MYOF: variants seen among roughly 807,000 people sequenced by gnomAD.
MYOF encodes the protein fer-1-like 3, myoferlin.
MYOF carries 244 observed loss-of-function variants against 284.2 expected under a neutral mutation model. The ratio of observed to expected loss-of-function variants is 0.86; its 90% CI spans 0.77 to 0.95. The LOEUF (loss-of-function observed/expected upper bound fraction) is 0.95, where lower values mean the gene tolerates loss of function less well. Among genes scored for constraint, MYOF ranks in the 40% least tolerant of loss-of-function variants. MYOF has a pLI of 0.00. For missense variants in MYOF, 2,496 were observed against 2,560.6 expected, an observed-to-expected ratio of 0.97 and a Z score of 0.54; for synonymous variants, 904 against 919.7, an observed-to-expected ratio of 0.98 and a Z score of 0.31.
intron 40 of MYOF, among the ~76,000 whole-genome samples, chr10:93,336,609 G>A (rs1843616740): frequency 6.6e-6 from 1 of 152,202 alleles, no homozygotes; most frequent in African/African-American, 2.4e-5. Context: ...GGGACACGGG[G>A]AAGTTTTCTG....
intron 39 of MYOF, chr10:93,338,273 A>G: frequency 2.2e-6 from 1 of 455,518 alleles, no homozygotes; most frequent in South Asian, 1.6e-5. Context: ...AACCTCCAAT[A>G]TGTGTTTTCT....
At chr10:93,384,213 G>A (rs767897324) in intron 19 of MYOF, among the ~76,000 whole-genome samples, 4 of 152,182 alleles carry the variant, frequency 2.6e-5, no homozygotes, top group East Asian at 1.9e-4. Context: ...GAATTCTGCC[G>A]CTCCCTCAGA....
At chr10:93,382,684 A>G (rs1340172455) in intron 19 of MYOF, among the ~76,000 whole-genome samples, 2 of 152,108 alleles carry the variant, frequency 1.3e-5, no homozygotes, top group Non-Finnish European at 2.9e-5. Context: ...CTCAGCTGGC[A>G]TATCTCCTTC....
chr10:93,471,342 T>C (rs1232535229), intron 1 of MYOF, among the ~76,000 whole-genome samples: 1 of 151,954 alleles, frequency 6.6e-6, no homozygotes, highest in Non-Finnish European at 1.5e-5. Flanking sequence ...AGTTCTTTTG[T>C]TCTTGGTACA....
chr10:93,395,016 G>C (rs1027418299), intron 16 of MYOF, among the ~76,000 whole-genome samples: 13 of 151,772 alleles, frequency 8.6e-5, no homozygotes, highest in Admixed American at 4.6e-4. Context: ...CCTTAAACAA[G>C]ATAAGGATGA....
At chr10:93,454,943 C>T (rs2134318701) in intron 2 of MYOF, among the ~76,000 whole-genome samples, 1 of 141,408 alleles carries the variant, frequency 7.1e-6, no homozygotes, top group East Asian at 2.1e-4. Flanking sequence ...TACACCACTG[C>T]ATTCCAGCCT....
At chr10:93,334,801 G>A (rs1005499165) in intron 41 of MYOF, among the ~76,000 whole-genome samples, 5 of 152,098 alleles carry the variant, frequency 3.3e-5, no homozygotes, top group African/African-American at 1.2e-4. Context: ...AAAGACTCCC[G>A]TCTGGCACAG....
At chr10:93,392,516 G>A (rs957032339) in intron 17 of MYOF, among the ~76,000 whole-genome samples, 2 of 152,118 alleles carry the variant, frequency 1.3e-5, no homozygotes, top group Admixed American at 1.3e-4. Flanking sequence ...AGTAAAAAAC[G>A]TTCAGTATTT....
At chr10:93,443,249 T>C (rs1184026577) in intron 3 of MYOF, among the ~76,000 whole-genome samples, 1 of 152,196 alleles carries the variant, frequency 6.6e-6, no homozygotes, top group Non-Finnish European at 1.5e-5. Flanking sequence ...TTTCTATTGA[T>C]TGTTTTCTAC....
At chr10:93,385,281 G>A (rs2134016921) in intron 19 of MYOF, among the ~76,000 whole-genome samples, 1 of 152,310 alleles carries the variant, frequency 6.6e-6, no homozygotes, top group East Asian at 1.9e-4. Flanking sequence ...CTGTCTGCCT[G>A]ATTCTTACTG....
chr10:93,441,438 G>A (rs1036104752), intron 3 of MYOF, among the ~76,000 whole-genome samples: 1 of 151,766 alleles, frequency 6.6e-6, no homozygotes, highest in African/African-American at 2.4e-5. Flanking sequence ...AGGCTGGAGT[G>A]CAGTGGTGCA....
At chr10:93,317,215 A>T (rs1229688885) in intron 49 of MYOF, among the ~76,000 whole-genome samples, 1 of 67,074 alleles carries the variant, frequency 1.5e-5, no homozygotes. Flanking sequence ...CTTTCTACCC[A>T]CCCTCCCACC....
intron 1 of MYOF, among the ~76,000 whole-genome samples, chr10:93,472,905 A>G (rs1378815506): frequency 6.6e-6 from 1 of 152,216 alleles, no homozygotes; most frequent in Non-Finnish European, 1.5e-5. Flanking sequence ...GCCAGAAGAC[A>G]TGAGCACCTG....
At chr10:93,401,877 G>T (rs1038532130) in intron 11 of MYOF, among the ~76,000 whole-genome samples, 6 of 151,746 alleles carry the variant, frequency 4.0e-5, no homozygotes, top group Admixed American at 3.9e-4. Context: ...ATATTCTGCA[G>T]TTTGCCACCC....
intron 4 of MYOF, among the ~76,000 whole-genome samples, chr10:93,426,804 C>T (rs1848607214): frequency 6.6e-6 from 1 of 151,442 alleles, no homozygotes; most frequent in Non-Finnish European, 1.5e-5. Context: ...AGAAGAATTG[C>T]TTGAACCTGA....
Position 93,389,144 on chromosome 10 carries a change from T to C in MYOF, c.1467A>G (p.Gly489=). The C allele has an allele frequency of 6.2e-7, 1 of 1,613,546 alleles. No homozygotes were observed. Among genetic ancestry groups the C allele is most frequent in the Non-Finnish European group, 8.5e-7 (1 of 1,179,812 alleles). Residue 489 remains glycine (G), a synonymous_variant, in exon 18 of 54, where the codon GGA becomes GGG. Transcript: ENST00000359263. The part of the protein sequence containing the change: ...TGAASYTVNT[G]ETEVGFVPTF... Reference sequence around the variant, plus strand: ...TTGGAACAAAGCCTACCTCTGTTTCTCCTGTGTTTACTGAGAGAGAAACAT... The same window carrying C: ...TTGGAACAAAGCCTACCTCTGTTTCCCCTGTGTTTACTGAGAGAGAAACAT...
chr10:93,414,249 C>T (rs1848024518), intron 5 of MYOF, among the ~76,000 whole-genome samples: 1 of 151,898 alleles, frequency 6.6e-6, no homozygotes, highest in Admixed American at 6.6e-5. Flanking sequence ...CTCATAAGAA[C>T]AAGTGGGCCA....
At chr10:93,480,622 T>C (rs563198704) in intron 1 of MYOF, among the ~76,000 whole-genome samples, 1 of 151,714 alleles carries the variant, frequency 6.6e-6, no homozygotes, top group African/African-American at 2.4e-5. Context: ...ATTATAGGCA[T>C]GTGCCACCAT....
chr10:93,419,731 C>T (rs546088072), intron 5 of MYOF, among the ~76,000 whole-genome samples: 2 of 152,332 alleles, frequency 1.3e-5, no homozygotes, highest in Admixed American at 6.5e-5. Flanking sequence ...ATGTTTATCT[C>T]TTACCTTCCT....
Sources: allele counts gnomAD v4.1 joint callset (sites outside exome capture counted in the v4.1 genomes callset), GRCh38; gene constraint gnomAD v4.1.1; transcripts MANE v1.5; gene names NCBI Gene and HGNC (gene_info 2026-07-23, HGNC 2026-07-21).